Variants in RUNX1T1 observed in about 807,000 individuals in gnomAD.
RUNX1T1 encodes RUNX1 partner transcriptional co-repressor 1, also known as protein CBFA2T1.
Under a neutral mutation model 62.8 loss-of-function variants are expected in RUNX1T1, and 4 were observed. The ratio of observed to expected loss-of-function variants is 0.06; its 90% confidence interval spans 0.03 to 0.15. RUNX1T1 has a LOEUF of 0.15. Ranked by LOEUF, RUNX1T1 falls within the 10% of genes least tolerant of loss-of-function variation. The probability of loss-of-function intolerance (pLI) is 1.00; values close to 1 mark genes in which losing one functional copy is unlikely to be tolerated. For synonymous variants in RUNX1T1, 291 were observed against 286.0 expected (o/e 1.02, Z -0.18); for missense variants, 508 against 754.3 (o/e 0.67, Z 3.82).
intron 8 of RUNX1T1, among the ~76,000 whole-genome samples, chr8:91,985,391 C>T (rs1005693833): frequency 3.3e-5 from 5 of 152,088 alleles, no homozygotes; most frequent in Non-Finnish European, 5.9e-5. Context: ...CCCAACAATT[C>T]CCAAATATCA....
intron 10 of RUNX1T1, among the ~76,000 whole-genome samples, chr8:91,964,554 T>A (rs1473307713): frequency 1.3e-5 from 2 of 152,182 alleles, no homozygotes; most frequent in African/African-American, 4.8e-5. Context: ...TTTCACATGA[T>A]TGCAGTTTCA....
chr8:91,971,017 G>A (rs1812720570), intron 9 of RUNX1T1, 169 bp from the exon 11 acceptor site: 2 of 489,910 alleles, frequency 4.1e-6, no homozygotes, highest in Admixed American at 7.8e-5. Context: ...TGGAATTACA[G>A]GAGCCTTCCA....
chr8:92,063,095 C>A, upstream of RUNX1T1: 1 of 376,058 alleles, frequency 2.7e-6, no homozygotes, highest in Non-Finnish European at 3.9e-6. Context: ...TAATTGGGAA[C>A]TGTATTAAAA....
intron 8 of RUNX1T1, among the ~76,000 whole-genome samples, chr8:91,981,523 T>C (rs1383885665): frequency 7.1e-6 from 1 of 141,598 alleles, no homozygotes; most frequent in Non-Finnish European, 1.5e-5. Context: ...CAAGCAATAC[T>C]CCGGCCTCAG....
intron 9 of RUNX1T1, among the ~76,000 whole-genome samples, chr8:91,971,444 G>A (rs1812806868): frequency 6.6e-6 from 1 of 152,086 alleles, no homozygotes; most frequent in African/African-American, 2.4e-5. Flanking sequence ...AAACAAATAA[G>A]TGCAAACTAT....
intron 5 of RUNX1T1, among the ~76,000 whole-genome samples, chr8:91,995,239 C>A (rs1818440334): frequency 6.6e-6 from 1 of 152,144 alleles, no homozygotes; most frequent in South Asian, 2.1e-4. Flanking sequence ...GTTAGATACA[C>A]AATTTATCTT....
At chr8:91,955,445 G>C, downstream of RUNX1T1, 1 of 227,242 alleles carries the variant, frequency 4.4e-6, no homozygotes, top group Non-Finnish European at 8.7e-6. Flanking sequence ...TGTCCAAAGT[G>C]TGGGAGTGAG....
intron 1 of RUNX1T1, among the ~76,000 whole-genome samples, chr8:92,027,110 C>T (rs1364146210): frequency 7.6e-5 from 10 of 131,258 alleles, no homozygotes; most frequent in Non-Finnish European, 4.8e-5. Context: ...AGCGAAACTC[C>T]GTCTCAAAAA....
chr8:92,054,128 A>AG (rs1212408508), intron 1 of RUNX1T1, among the ~76,000 whole-genome samples: 5 of 150,814 alleles, frequency 3.3e-5, no homozygotes, highest in African/African-American at 1.2e-4. Flanking sequence ...GTACCTGGAA[A>AG]AAAAAAAAAA....
Position 92,016,399 on chromosome 8 carries a change from G to C in RUNX1T1, c.145+827C>G, listed in dbSNP as rs1014773723. ...GGTTCAAGACAAGAAAGACACGACCGGGTGCGGTGGCTCACGCCTGTAATC... is the reference window on the plus strand; with the variant it reads ...GGTTCAAGACAAGAAAGACACGACCCGGTGCGGTGGCTCACGCCTGTAATC... On this transcript the variant is annotated intron_variant, in intron 2 of 10. Transcript: ENST00000396218. Among the ~76,000 whole-genome samples, 2 of 152,140 alleles carry C rather than the reference G, an allele frequency of 1.3e-5. 1 individual carries two copies. Among genetic ancestry groups the C allele is most frequent in the African/African-American group, 4.8e-5 (2 of 41,428 alleles).
At chr8:92,030,414 A>G (rs1826008661) in intron 1 of RUNX1T1, among the ~76,000 whole-genome samples, 1 of 152,218 alleles carries the variant, frequency 6.6e-6, no homozygotes, top group Non-Finnish European at 1.5e-5. Flanking sequence ...CAGTGGATAT[A>G]TAAGAAATTT....
At chr8:92,069,934 T>C (rs985267793) in intron 2 of RUNX1T1, among the ~76,000 whole-genome samples, 6 of 152,204 alleles carry the variant, frequency 3.9e-5, no homozygotes, top group African/African-American at 1.4e-4. Context: ...TTCATTCCTA[T>C]TGATAAATTG....
At chr8:91,975,994 G>A (rs762177548) in intron 8 of RUNX1T1, 21 bp from the exon 10 acceptor site, 1 of 1,586,242 alleles carries the variant, frequency 6.3e-7, no homozygotes, top group Admixed American at 1.7e-5. Context: ...GATGGGAAGG[G>A]GGTGGAGAGA....
At chr8:92,026,987 G>A (rs1362802882) in intron 1 of RUNX1T1, among the ~76,000 whole-genome samples, 4 of 150,326 alleles carry the variant, frequency 2.7e-5, no homozygotes, top group Non-Finnish European at 4.4e-5. Flanking sequence ...ATGGTGGCGC[G>A]CGCCTGTAGT....
chr8:92,019,464 G>A (rs1392331478), intron 1 of RUNX1T1, among the ~76,000 whole-genome samples: 1 of 151,898 alleles, frequency 6.6e-6, no homozygotes, highest in African/African-American at 2.4e-5. Context: ...TAAAGCAATA[G>A]GAGGAAAAAG....
intron 1 of RUNX1T1, among the ~76,000 whole-genome samples, chr8:92,029,422 G>A (rs138358043): frequency 6.6e-6 from 1 of 152,246 alleles, no homozygotes; most frequent in Non-Finnish European, 1.5e-5. Flanking sequence ...GGAAAATTCA[G>A]GAGATATTTC....
intron 8 of RUNX1T1, among the ~76,000 whole-genome samples, chr8:91,984,334 C>A (rs553878918): frequency 2.6e-5 from 4 of 152,086 alleles, no homozygotes; most frequent in Non-Finnish European, 5.9e-5. Flanking sequence ...GCTGATAACT[C>A]GCTTAGGTAT....
rs116641997 is a variant in RUNX1T1 at position 92,069,871 on chromosome 8, T to G, written c.88+6094A>C. On this transcript the variant is annotated intron_variant, in intron 2 of 11. Transcript: ENST00000265814. ...TTAACTGCATATACCATAATCTTAT[T>G]AAAATTATGGATTATTGTACCTTTT... Among the ~76,000 whole-genome samples, 1,212 of 152,328 alleles carry G rather than the reference T, an allele frequency of 8.0e-3. 10 individuals carry two copies. The highest frequency in any genetic ancestry group is 0.028 in the African/African-American group (1,170 of 41,570).
intron 1 of RUNX1T1, among the ~76,000 whole-genome samples, chr8:92,018,795 A>G (rs1481068526): frequency 6.6e-6 from 1 of 152,254 alleles, no homozygotes; most frequent in Non-Finnish European, 1.5e-5. Context: ...AAGATGCAAT[A>G]AGAGAATGAA....
Sources: gnomAD v4.1 joint callset for allele counts (sites outside exome capture counted in the v4.1 genomes callset) on GRCh38, gnomAD v4.1.1 for gene constraint, MANE v1.5 for transcripts, NCBI Gene and HGNC (gene_info 2026-07-23, HGNC 2026-07-21) for gene names.